Variants in KDM5A observed in about 807,000 individuals in gnomAD.
KDM5A encodes lysine demethylase 5A.
A neutral mutation model predicts 193.5 loss-of-function variants in KDM5A; 42 were observed. That is an observed-to-expected ratio of 0.22 (90% CI 0.17 to 0.28). The LOEUF (loss-of-function observed/expected upper bound fraction) is 0.28. Among genes scored for constraint, KDM5A ranks in the 10% least tolerant of loss-of-function variants. The pLI is 1.00. For missense variants in KDM5A, 1,692 were observed against 2,055.1 expected (o/e 0.82, Z 3.42); for synonymous variants, 796 against 718.1 (o/e 1.11, Z -1.73).
chr12:313,019 T>C (rs1943608077), intron 20 of KDM5A, 37 bp downstream of exon 20: 2 of 1,603,432 alleles, frequency 1.2e-6, no homozygotes, highest in Non-Finnish European at 1.7e-6. Flanking sequence ...GAAACAGGCA[T>C]TACCTGATAG....
intron 5 of KDM5A, among the ~76,000 whole-genome samples, chr12:357,128 A>G (rs1944237060): frequency 6.6e-6 from 1 of 152,162 alleles, no homozygotes; most frequent in Non-Finnish European, 1.5e-5. Flanking sequence ...AAAAAGTACA[A>G]AAATTAGCCA....
At chr12:329,168 C>A in intron 13 of KDM5A, 139 bp from the exon 14 acceptor site, 3 of 737,878 alleles carry the variant, frequency 4.1e-6, no homozygotes, top group Non-Finnish European at 7.0e-6. Flanking sequence ...AGGCAATATT[C>A]TATTAACTGT....
chr12:323,544 T>C, intron 15 of KDM5A, 56 bp downstream of exon 15: 7 of 1,496,956 alleles, frequency 4.7e-6, no homozygotes, highest in Non-Finnish European at 6.5e-6. Context: ...AAAAATAACA[T>C]TAAAACTTGG....
At chr12:357,770 G>A (rs1333901670) in intron 5 of KDM5A, among the ~76,000 whole-genome samples, 4 of 134,278 alleles carry the variant, frequency 3.0e-5, no homozygotes, top group Admixed American at 2.6e-4. Context: ...GGAGGTTGCA[G>A]TGAGCTGAGA....
At chr12:318,501 T>A in intron 18 of KDM5A, 40 bp from the exon 19 acceptor site, 3 of 1,460,532 alleles carry the variant, frequency 2.1e-6, no homozygotes, top group Non-Finnish European at 2.9e-6. Flanking sequence ...AAAAACAAAT[T>A]TAAAACATAC....
intron 24 of KDM5A, among the ~76,000 whole-genome samples, chr12:302,736 C>T (rs1398134776): frequency 6.6e-6 from 1 of 152,136 alleles, no homozygotes; most frequent in African/African-American, 2.4e-5. Flanking sequence ...AACAGGCAAC[C>T]TACGGAATGG....
At chr12:365,577 G>A (rs552262613) in intron 4 of KDM5A, among the ~76,000 whole-genome samples, 19 of 152,246 alleles carry the variant, frequency 1.2e-4, no homozygotes, top group South Asian at 8.3e-4. Flanking sequence ...CACAGTGATC[G>A]CTGCATAAAT....
At chr12:349,021 CT>C (rs200223430) in intron 10 of KDM5A, among the ~76,000 whole-genome samples, 11,597 of 135,838 alleles carry the variant, frequency 0.085, 849 homozygotes, top group East Asian at 0.34. Context: ...AGCTTCTAGA[CT>C]TTTTTTTTTT....
chr12:316,412 C>A (rs930991105), intron 19 of KDM5A, among the ~76,000 whole-genome samples: 4 of 152,076 alleles, frequency 2.6e-5, no homozygotes, highest in Non-Finnish European at 5.9e-5. Context: ...TCAATACTTA[C>A]CAAACTCAAA....
At position 281,457 on chromosome 12, in the gene KDM5A, A is replaced by C. The variant is rs931217546; in HGVS notation, c.*3999T>G. On this transcript the variant is annotated 3_prime_UTR_variant, in exon 28 of 28. Coordinates refer to ENST00000399788, the MANE Select transcript of KDM5A (RefSeq NM_001042603.3). ...GACAAGACCAAAATTCAAAAAATACATTAACAGCCATTCTTCCTCATACTA... is the reference window on the plus strand; with the variant it reads ...GACAAGACCAAAATTCAAAAAATACCTTAACAGCCATTCTTCCTCATACTA... The C allele has an allele frequency of 4.3e-6, 1 of 233,104 alleles. No homozygotes were observed. The highest frequency in any genetic ancestry group is 8.5e-6 in the Non-Finnish European group (1 of 118,036). The allele number at this position is 233,104 out of a possible 1,614,324, so 14.4% of individuals were successfully genotyped here.
At chr12:289,027 T>A (rs1026786268) in intron 27 of KDM5A, among the ~76,000 whole-genome samples, 1 of 152,234 alleles carries the variant, frequency 6.6e-6, no homozygotes, top group Non-Finnish European at 1.5e-5. Flanking sequence ...AATACTTTGA[T>A]TGAGGCAACA....
chr12:336,232 G>A (rs1437284548), intron 10 of KDM5A, among the ~76,000 whole-genome samples: 4 of 151,114 alleles, frequency 2.6e-5, no homozygotes, highest in African/African-American at 9.7e-5. Flanking sequence ...GGTGGCGTGC[G>A]CCTGTAGTTC....
chr12:310,014 A>C, intron 21 of KDM5A, 50 bp from the exon 22 acceptor site: 1 of 1,578,642 alleles, frequency 6.3e-7, no homozygotes. Context: ...AAATAATCTT[A>C]AAAGTAAAAA....
At chr12:381,119 C>A (rs1326935895) in intron 3 of KDM5A, among the ~76,000 whole-genome samples, 1 of 152,088 alleles carries the variant, frequency 6.6e-6, no homozygotes, top group Non-Finnish European at 1.5e-5. Context: ...CTCGGCCTCC[C>A]AAGTAGCTGA....
rs535587390 is a variant in KDM5A at position 317,864 on chromosome 12, C to A, written c.2897+242G>T. ...GACCTGCACCTCTCCGGGAGCTGCA[C>A]CTCTCCAGGAGCTGCCTGCCAAAGC... On this transcript the variant is annotated intron_variant, in intron 19 of 27. Coordinates refer to ENST00000399788, the MANE Select transcript of KDM5A (RefSeq NM_001042603.3). 1.0e-3 allele frequency among the ~76,000 whole-genome samples: 159 copies of A among 152,326 alleles called. 1 individual carries two copies. The highest frequency in any genetic ancestry group is 3.2e-3 in the African/African-American group (133 of 41,574).
chr12:295,941 C>T, intron 25 of KDM5A, 148 bp from the exon 26 acceptor site: 1 of 721,766 alleles, frequency 1.4e-6, no homozygotes, highest in East Asian at 2.7e-5. Flanking sequence ...AAAATGTAAA[C>T]AGAATTAGAA....
chr12:313,029 G>C (rs1412730497), intron 20 of KDM5A, 27 bp downstream of exon 20: 1 of 1,611,414 alleles, frequency 6.2e-7, no homozygotes, highest in South Asian at 1.1e-5. Flanking sequence ...TTACCTGATA[G>C]GTGGGATAAT....
Position 297,021 on chromosome 12 carries a change from G to A in KDM5A, c.4234+20C>T. On this transcript the variant is annotated intron_variant, in intron 25 of 27. Transcript: ENST00000399788. ...TGGTTTTCTGCTTATGTTCCCCACA[G>A]TTTTTTAAAGGAGTAATACCTTGAG... The A allele has an allele frequency of 6.2e-7, 1 of 1,612,238 alleles. No individual in the cohort carries two copies. The highest frequency in any genetic ancestry group is 8.5e-7 in the Non-Finnish European group (1 of 1,178,998).
At chr12:331,284 G>A (rs867377896) in intron 13 of KDM5A, among the ~76,000 whole-genome samples, 48 of 152,288 alleles carry the variant, frequency 3.2e-4, no homozygotes, top group African/African-American at 1.0e-3. Context: ...AAAACTACAG[G>A]TTGGTGCAAA....
Sources: gnomAD v4.1 joint callset for allele counts (sites outside exome capture counted in the v4.1 genomes callset) on GRCh38, gnomAD v4.1.1 for gene constraint, MANE v1.5 for transcripts, NCBI Gene and HGNC (gene_info 2026-07-23, HGNC 2026-07-21) for gene names.